GALK2: variants seen among roughly 807,000 people sequenced by gnomAD.
GALK2 encodes N-acetylgalactosamine kinase.
A neutral mutation model predicts 52.4 loss-of-function variants in GALK2; 36 were observed. That is an observed-to-expected ratio of 0.69 (90% confidence interval 0.53 to 0.91). The LOEUF (loss-of-function observed/expected upper bound fraction) is 0.91, where lower values mean the gene tolerates loss of function less well. Among genes scored for constraint, GALK2 ranks in the 40% least tolerant of loss-of-function variants. The probability of loss-of-function intolerance (pLI) is 0.00; values close to 1 mark genes in which losing one functional copy is unlikely to be tolerated. For synonymous variants in GALK2, 176 were observed against 199.1 expected (o/e 0.88, Z 0.98); for missense variants, 579 against 559.1 (o/e 1.04, Z -0.36).
chr15:49,292,866 C>G (rs895856689), intron 8 of GALK2, among the ~76,000 whole-genome samples: 2 of 152,030 alleles, frequency 1.3e-5, no homozygotes, highest in Non-Finnish European at 2.9e-5. Flanking sequence ...AGTTAGAGAA[C>G]TGCTCTAACT....
At chr15:49,278,289 A>G (rs2032180544) in intron 5 of GALK2, among the ~76,000 whole-genome samples, 1 of 152,062 alleles carries the variant, frequency 6.6e-6, no homozygotes, top group African/African-American at 2.4e-5. Flanking sequence ...ATAAAACACA[A>G]TTGGACATAT....
chr15:49,354,308 TG>T (rs1329335990), intron 3 of GALK2, among the ~76,000 whole-genome samples: 1 of 151,988 alleles, frequency 6.6e-6, no homozygotes, highest in Non-Finnish European at 1.5e-5. Flanking sequence ...AGAAGACGGG[TG>T]ATTTCTGCAT....
At chr15:49,204,117 A>G (rs568928435) in intron 2 of GALK2, among the ~76,000 whole-genome samples, 2 of 151,966 alleles carry the variant, frequency 1.3e-5, no homozygotes, top group Admixed American at 1.3e-4. Flanking sequence ...AAAAAAAAAA[A>G]AAAGAAAATC....
chr15:49,336,619 C>A (rs925810053), downstream of GALK2, among the ~76,000 whole-genome samples: 20 of 152,198 alleles, frequency 1.3e-4, no homozygotes, highest in African/African-American at 4.8e-4. Flanking sequence ...TCCTGATGCT[C>A]ATTTTATTTA....
chr15:49,227,420 A>G (rs1164865592), intron 3 of GALK2, among the ~76,000 whole-genome samples: 2 of 151,852 alleles, frequency 1.3e-5, no homozygotes, highest in Admixed American at 6.6e-5. Context: ...CTTAAAGTCT[A>G]TTTTATCTGA....
intron 3 of GALK2, among the ~76,000 whole-genome samples, chr15:49,217,589 TATC>T (rs1161184591): frequency 6.6e-6 from 1 of 152,252 alleles, no homozygotes; most frequent in Non-Finnish European, 1.5e-5. Context: ...GATAGGTACT[TATC>T]ATCTATTGAT....
At chr15:49,184,405 A>ATTTTG (rs1566913786) in intron 1 of GALK2, among the ~76,000 whole-genome samples, 4 of 151,442 alleles carry the variant, frequency 2.6e-5, no homozygotes, top group Admixed American at 1.3e-4. Context: ...AGATCATTGG[A>ATTTTG]TTTTGTTTTG....
At chr15:49,180,859 C>A (rs1309444437) in intron 1 of GALK2, among the ~76,000 whole-genome samples, 1 of 152,174 alleles carries the variant, frequency 6.6e-6, no homozygotes, top group African/African-American at 2.4e-5. Flanking sequence ...TACCTTCCCT[C>A]TTTTTGATTT....
chr15:49,283,685 T>C lies in GALK2; in HGVS notation c.723T>C (p.Asn241=), dbSNP rs2033012671. The C allele has an allele frequency of 1.2e-6, 2 of 1,614,112 alleles. No individual in the cohort carries two copies. Among genetic ancestry groups the C allele is most frequent in the East Asian group, 4.5e-5 (2 of 44,886 alleles). Reference sequence around the variant, plus strand: ...ATAAGGCAGCAACTTCCCATTTCAATATCAGGGTGATGGAGTGTCGGCTGG... The same window carrying C: ...ATAAGGCAGCAACTTCCCATTTCAACATCAGGGTGATGGAGTGTCGGCTGG... ...EMNKAATSHF[N]IRVMECRLAA... is the part of the protein sequence containing the mutation. Residue 241 remains asparagine (N), a synonymous_variant, in exon 7 of 10, where the codon AAT becomes AAC. Coordinates refer to ENST00000560031, the MANE Select transcript of GALK2 (RefSeq NM_002044.4).
At chr15:49,250,404 T>A (rs2091540276) in intron 5 of GALK2, among the ~76,000 whole-genome samples, 1 of 152,200 alleles carries the variant, frequency 6.6e-6, no homozygotes, top group Non-Finnish European at 1.5e-5. Flanking sequence ...GATGTCTTTT[T>A]AAAAAAATTA....
intron 5 of GALK2, among the ~76,000 whole-genome samples, chr15:49,264,596 C>T (rs2092282570): frequency 6.6e-6 from 1 of 152,212 alleles, no homozygotes. Flanking sequence ...CTCCATCCAG[C>T]TTTGTTCCAT....
chr15:49,297,546 A>AT (rs1182078808), intron 8 of GALK2, among the ~76,000 whole-genome samples: 1 of 152,102 alleles, frequency 6.6e-6, no homozygotes, highest in African/African-American at 2.4e-5. Context: ...TTTTTCTAGA[A>AT]TTTTTATAGT....
chr15:49,193,028 C>T (rs1203870631), intron 1 of GALK2, among the ~76,000 whole-genome samples: 4 of 141,896 alleles, frequency 2.8e-5, no homozygotes, highest in Admixed American at 7.3e-5. Flanking sequence ...GATGGAATCT[C>T]GCTCTGTTGC....
chr15:49,356,067 C>A (rs2043110453), intron 3 of GALK2, among the ~76,000 whole-genome samples: 1 of 146,410 alleles, frequency 6.8e-6, no homozygotes, highest in African/African-American at 2.7e-5. Flanking sequence ...AACAGGCCTG[C>A]CTTACAAGAG....
chr15:49,173,710 T>C (rs2085256376), intron 1 of GALK2, among the ~76,000 whole-genome samples: 2 of 152,222 alleles, frequency 1.3e-5, no homozygotes, highest in South Asian at 4.1e-4. Flanking sequence ...AGATATCTGG[T>C]ATATCAGTTC....
At chr15:49,281,809 AT>A (rs1414144735) in intron 5 of GALK2, among the ~76,000 whole-genome samples, 177 bp from the exon 6 acceptor site, 1 of 152,246 alleles carries the variant, frequency 6.6e-6, no homozygotes, top group East Asian at 1.9e-4. Context: ...TTGTTAATTG[AT>A]TTTGGTATAT....
At chr15:49,227,698 A>T (rs1002080349) in intron 3 of GALK2, among the ~76,000 whole-genome samples, 1 of 151,368 alleles carries the variant, frequency 6.6e-6, no homozygotes, top group Non-Finnish European at 1.5e-5. Flanking sequence ...TGGTTGTTTT[A>T]TATATCTTTT....
At chr15:49,228,804 A>G (rs1017692317) in intron 3 of GALK2, among the ~76,000 whole-genome samples, 1 of 141,302 alleles carries the variant, frequency 7.1e-6, no homozygotes, top group Non-Finnish European at 1.5e-5. Context: ...AGTGATTCTC[A>G]TGTCTCAGCC....
intron 5 of GALK2, among the ~76,000 whole-genome samples, chr15:49,241,236 G>A (rs930820190): frequency 6.6e-6 from 1 of 152,088 alleles, no homozygotes; most frequent in Non-Finnish European, 1.5e-5. Context: ...GACTTGAGAT[G>A]GTACATTTGA....
Sources: allele counts gnomAD v4.1 joint callset (sites outside exome capture counted in the v4.1 genomes callset), GRCh38; gene constraint gnomAD v4.1.1; transcripts MANE v1.5; gene names NCBI Gene and HGNC (gene_info 2026-07-23, HGNC 2026-07-21).